Variants in CNTNAP2 observed in about 807,000 individuals in gnomAD.
CNTNAP2 encodes contactin associated protein 2.
Under a neutral mutation model 155.2 loss-of-function variants are expected in CNTNAP2, and 98 were observed. The observed-to-expected ratio is 0.63, with a 90% CI of 0.54 to 0.75. The LOEUF is 0.75. Ranked by LOEUF, CNTNAP2 falls within the 30% of genes least tolerant of loss-of-function variation. The pLI is 0.00. For synonymous variants in CNTNAP2, 651 were observed against 631.2 expected (o/e 1.03, Z -0.47); for missense variants, 1,727 against 1,688.1 (o/e 1.02, Z -0.40).
intron 4 of CNTNAP2, among the ~76,000 whole-genome samples, chr7:147,096,397 G>A (rs73154349): frequency 0.019 from 2,968 of 152,264 alleles, 45 homozygotes; most frequent in South Asian, 0.056. Flanking sequence ...TGTGAATAGG[G>A]ACAGCCCCTT....
At chr7:147,342,715 C>T (rs975056188) in intron 9 of CNTNAP2, among the ~76,000 whole-genome samples, 4 of 152,004 alleles carry the variant, frequency 2.6e-5, no homozygotes, top group African/African-American at 9.7e-5. Flanking sequence ...TACCTGAGAG[C>T]AGCAGCAACA....
intron 13 of CNTNAP2, among the ~76,000 whole-genome samples, chr7:147,796,694 A>AAGCTTCTCTAT (rs1205286603): frequency 1.3e-5 from 2 of 152,200 alleles, no homozygotes; most frequent in African/African-American, 4.8e-5. Flanking sequence ...AAAAACAAGG[A>AAGCTTCTCTAT]AGCTTCTCTA....
intron 18 of CNTNAP2, among the ~76,000 whole-genome samples, chr7:148,216,879 C>A (rs1795647820): frequency 1.3e-5 from 2 of 152,092 alleles, no homozygotes; most frequent in African/African-American, 4.8e-5. Flanking sequence ...CTCACAAGAG[C>A]TGATGGTTTT....
intron 10 of CNTNAP2, among the ~76,000 whole-genome samples, chr7:147,482,578 G>A (rs888498066): frequency 6.6e-6 from 1 of 151,884 alleles, no homozygotes; most frequent in Non-Finnish European, 1.5e-5. Context: ...AATATTAGCC[G>A]GGCGTGGTGG....
chr7:147,190,175 A>G (rs1317433584), intron 8 of CNTNAP2, among the ~76,000 whole-genome samples: 1 of 152,182 alleles, frequency 6.6e-6, no homozygotes, highest in Non-Finnish European at 1.5e-5. Context: ...CTAGCATCAA[A>G]AGAACATTCT....
At chr7:147,248,102 T>C (rs1804107976) in intron 8 of CNTNAP2, among the ~76,000 whole-genome samples, 1 of 152,016 alleles carries the variant, frequency 6.6e-6, no homozygotes, top group South Asian at 2.1e-4. Flanking sequence ...ATAAAAGGGA[T>C]AATTGCAGGT....
intron 11 of CNTNAP2, among the ~76,000 whole-genome samples, chr7:147,554,371 T>A (rs1799909603): frequency 6.6e-6 from 1 of 150,590 alleles, no homozygotes; most frequent in African/African-American, 2.5e-5. Context: ...ATAGTATGGA[T>A]TATTTTTTTT....
chr7:148,147,348 A>G (rs1805203925), intron 16 of CNTNAP2, 143 bp from the exon 17 acceptor site: 4 of 810,884 alleles, frequency 4.9e-6, no homozygotes, highest in East Asian at 4.9e-5. Flanking sequence ...TCCTTCTTCC[A>G]TTGATTTTGC....
At chr7:148,075,957 G>A (rs979149931) in intron 15 of CNTNAP2, among the ~76,000 whole-genome samples, 12 of 152,282 alleles carry the variant, frequency 7.9e-5, no homozygotes, top group African/African-American at 2.9e-4. Flanking sequence ...TCTGAATTCT[G>A]TGATGTTTCT....
At chr7:146,474,430 T>C (rs1249152349) in intron 1 of CNTNAP2, among the ~76,000 whole-genome samples, 1 of 151,038 alleles carries the variant, frequency 6.6e-6, no homozygotes, top group Non-Finnish European at 1.5e-5. Flanking sequence ...TTTTTTACCA[T>C]GGTCTACCTC....
chr7:146,536,737 C>T lies in CNTNAP2; in HGVS notation c.98-237534C>T, dbSNP rs547934181. On this transcript the variant is annotated intron_variant, in intron 1 of 23. Coordinates refer to ENST00000361727, the MANE Select transcript of CNTNAP2 (RefSeq NM_014141.6). ...AAACACTCCAAGACATCTCTAGTCA[C>T]GTTGCGTGAAGGGTCAAGGACACAC... Among the ~76,000 whole-genome samples, 6 of 152,162 alleles carry T rather than the reference C, an allele frequency of 3.9e-5. No homozygotes were observed. In the East Asian group the frequency reaches 1.2e-3, roughly 29 times the overall value.
At chr7:147,140,776 T>G (rs1269410169) in intron 8 of CNTNAP2, among the ~76,000 whole-genome samples, 1 of 152,120 alleles carries the variant, frequency 6.6e-6, no homozygotes, top group Non-Finnish European at 1.5e-5. Flanking sequence ...TGTAATGCTG[T>G]ACATAATTTT....
chr7:147,249,578 C>G (rs1018571308), intron 8 of CNTNAP2, among the ~76,000 whole-genome samples: 1 of 95,226 alleles, frequency 1.1e-5, no homozygotes, highest in African/African-American at 3.9e-5. Flanking sequence ...TAAATTGTCT[C>G]CTATAATAAA....
At chr7:146,146,121 A>G (rs972330338) in intron 1 of CNTNAP2, among the ~76,000 whole-genome samples, 2 of 152,216 alleles carry the variant, frequency 1.3e-5, no homozygotes, top group Admixed American at 1.3e-4. Context: ...AATGTATAAC[A>G]TATCATTTTA....
chr7:146,935,548 GT>G (rs1796896358), intron 3 of CNTNAP2, among the ~76,000 whole-genome samples: 1 of 152,130 alleles, frequency 6.6e-6, no homozygotes, highest in African/African-American at 2.4e-5. Flanking sequence ...TTTTTCCATG[GT>G]TTGGAGTAAA....
Position 147,782,728 on chromosome 7 carries a change from C to G in CNTNAP2, c.2099-120837C>G, listed in dbSNP as rs554915196. On this transcript the variant is annotated intron_variant, in intron 13 of 23. Transcript: ENST00000361727. ...TTTGAGGGGACACAAAAATTTAGACCACAGCAGCCTGTTTATGTCATTTCC... is the reference window on the plus strand; with the variant it reads ...TTTGAGGGGACACAAAAATTTAGACGACAGCAGCCTGTTTATGTCATTTCC... 9.1e-4 allele frequency among the ~76,000 whole-genome samples: 138 copies of G among 152,110 alleles called. 1 individual carries two copies. Among genetic ancestry groups the G allele is most frequent in the Middle Eastern group, 3.4e-3 (1 of 294 alleles).
chr7:148,205,386 G>C (rs1170437933), intron 18 of CNTNAP2, among the ~76,000 whole-genome samples: 1 of 152,204 alleles, frequency 6.6e-6, no homozygotes, highest in Non-Finnish European at 1.5e-5. Flanking sequence ...TGTGAAGTTA[G>C]CAGCACAGAA....
intron 14 of CNTNAP2, among the ~76,000 whole-genome samples, chr7:147,949,458 A>ATATATT (rs1433579404): frequency 1.5e-5 from 2 of 137,386 alleles, no homozygotes; most frequent in Admixed American, 7.2e-5. Context: ...ATATATATAT[A>ATATATT]TTTTTTTTTT....
chr7:147,137,200 G>C (rs551657012), intron 8 of CNTNAP2, among the ~76,000 whole-genome samples: 24 of 151,168 alleles, frequency 1.6e-4, no homozygotes, highest in Admixed American at 3.3e-4. Context: ...TTTTTATGTG[G>C]AATACTATTA....
Sources: allele counts gnomAD v4.1 joint callset (sites outside exome capture counted in the v4.1 genomes callset), GRCh38; gene constraint gnomAD v4.1.1; transcripts MANE v1.5; gene names NCBI Gene and HGNC (gene_info 2026-07-23, HGNC 2026-07-21).